Variants in IL1RAPL1 observed in about 807,000 individuals in gnomAD.
IL1RAPL1 encodes the protein interleukin 1 receptor accessory protein like 1.
A neutral mutation model predicts 48.4 loss-of-function variants in IL1RAPL1; 3 were observed. The ratio of observed to expected loss-of-function variants is 0.06; its 90% CI spans 0.03 to 0.16. The LOEUF (loss-of-function observed/expected upper bound fraction) is 0.16, where lower values mean the gene tolerates loss of function less well. Among genes scored for constraint, IL1RAPL1 ranks in the 10% least tolerant of loss-of-function variants. The pLI is 1.00. For missense variants in IL1RAPL1, 349 were observed against 530.6 expected (o/e 0.66, Z 3.36); for synonymous variants, 185 against 187.7 (o/e 0.99, Z 0.12).
At chrX:29,286,054 G>A (rs1320042688) in intron 3 of IL1RAPL1, among the ~76,000 whole-genome samples, 1 of 111,678 alleles carries the variant, frequency 9.0e-6, no homozygotes, top group Admixed American at 9.5e-5. Context: ...GTATTAACTT[G>A]TCAATGAAAT....
chrX:29,303,518 AC>A (rs1398850946), intron 3 of IL1RAPL1, among the ~76,000 whole-genome samples: 2 of 111,732 alleles, frequency 1.8e-5, no homozygotes, highest in African/African-American at 6.5e-5. Context: ...TAACCAGAAG[AC>A]CTAGAGTACT....
chrX:29,170,488 C>G (rs765220838), intron 2 of IL1RAPL1, among the ~76,000 whole-genome samples: 1 of 111,680 alleles, frequency 9.0e-6, no homozygotes, highest in African/African-American at 3.2e-5. Context: ...TTCTGTTTCT[C>G]TTTCTTAGTT....
intron 2 of IL1RAPL1, among the ~76,000 whole-genome samples, chrX:28,961,332 T>C (rs1428632891): frequency 1.8e-5 from 2 of 111,068 alleles, no homozygotes; most frequent in Middle Eastern, 4.6e-3. Flanking sequence ...TTTATTTTAT[T>C]TCATCTCATT....
intron 2 of IL1RAPL1, among the ~76,000 whole-genome samples, chrX:28,898,800 C>CT (rs777082261): frequency 1.1e-3 from 119 of 108,513 alleles, no homozygotes; most frequent in African/African-American, 3.7e-3. Context: ...GGTACTGGGA[C>CT]TTTTTTTTTG....
intron 1 of IL1RAPL1, among the ~76,000 whole-genome samples, chrX:28,675,888 T>C (rs1308178174): frequency 8.9e-6 from 1 of 112,157 alleles, no homozygotes; most frequent in Non-Finnish European, 1.9e-5. Flanking sequence ...ATGCAGAACA[T>C]GTAACTGGGC....
chrX:29,828,948 A>AT (rs1158265724), intron 6 of IL1RAPL1, among the ~76,000 whole-genome samples: 1 of 109,813 alleles, frequency 9.1e-6, no homozygotes, highest in Non-Finnish European at 1.9e-5. Context: ...AGAAGGAGAG[A>AT]TTTTTTCTGA....
chrX:29,386,550 T>C (rs1339902267), intron 3 of IL1RAPL1, among the ~76,000 whole-genome samples: 2 of 107,770 alleles, frequency 1.9e-5, no homozygotes, highest in Non-Finnish European at 3.9e-5. Context: ...ATGATTTTTT[T>C]TTTTTTTTTT....
At chrX:28,690,150 T>C (rs781286334) in intron 1 of IL1RAPL1, among the ~76,000 whole-genome samples, 21 of 111,652 alleles carry the variant, frequency 1.9e-4, no homozygotes, top group African/African-American at 5.2e-4. Flanking sequence ...TTCATCTCCT[T>C]CTTTCAGCCT....
intron 5 of IL1RAPL1, among the ~76,000 whole-genome samples, chrX:29,657,845 T>C (rs145694046): frequency 9.5e-6 from 1 of 105,428 alleles, no homozygotes; most frequent in Non-Finnish European, 2.0e-5. Context: ...TTTTTTTTGG[T>C]TTTTTGCCTG....
At chrX:29,015,440 A>T (rs1004591501) in intron 2 of IL1RAPL1, among the ~76,000 whole-genome samples, 2 of 111,354 alleles carry the variant, frequency 1.8e-5, no homozygotes, top group African/African-American at 6.6e-5. Context: ...TTTGAATTAT[A>T]CAGATACTAT....
chrX:29,477,784 A>C, intron 5 of IL1RAPL1, among the ~76,000 whole-genome samples: 1 of 112,164 alleles, frequency 8.9e-6, no homozygotes, highest in African/African-American at 3.2e-5. Flanking sequence ...CTGGCTACAA[A>C]GTTCCTATGC....
At chrX:29,259,779 G>T (rs781147693) in intron 2 of IL1RAPL1, among the ~76,000 whole-genome samples, 4 of 111,163 alleles carry the variant, frequency 3.6e-5, no homozygotes, top group Non-Finnish European at 5.7e-5. Context: ...CCTATACATG[G>T]TATCATGGGT....
At chrX:29,686,518 C>T (rs4829266) in intron 6 of IL1RAPL1, among the ~76,000 whole-genome samples, 43,009 of 104,511 alleles carry the variant, frequency 0.41, 6,422 homozygotes, top group South Asian at 0.55. Context: ...CCCCTGCCTC[C>T]CCCCACCCCC....
At chrX:28,761,509 A>G (rs1037761246) in intron 1 of IL1RAPL1, among the ~76,000 whole-genome samples, 2 of 111,991 alleles carry the variant, frequency 1.8e-5, no homozygotes, top group African/African-American at 6.5e-5. Flanking sequence ...CAAATGCCAC[A>G]TATACTAACT....
chrX:29,260,591 A>G (rs967115462), intron 2 of IL1RAPL1, among the ~76,000 whole-genome samples: 1 of 111,703 alleles, frequency 9.0e-6, no homozygotes, highest in Non-Finnish European at 1.9e-5. Context: ...GATTATTACA[A>G]TTCAAGGTGA....
intron 6 of IL1RAPL1, among the ~76,000 whole-genome samples, chrX:29,683,070 A>G (rs1926507208): frequency 8.9e-6 from 1 of 112,228 alleles, no homozygotes; most frequent in Non-Finnish European, 1.9e-5. Context: ...GAGACTTTTC[A>G]CTGGCGTCTT....
chrX:29,156,994 G>T (rs2147502416), intron 2 of IL1RAPL1, among the ~76,000 whole-genome samples: 1 of 111,953 alleles, frequency 8.9e-6, no homozygotes, highest in African/African-American at 3.2e-5. Context: ...ATTTGGATAT[G>T]ACCTCAACAG....
chrX:29,211,082 A>T (rs1487841089), intron 2 of IL1RAPL1, among the ~76,000 whole-genome samples: 3 of 103,240 alleles, frequency 2.9e-5, no homozygotes, highest in Non-Finnish European at 6.0e-5. Context: ...TCTTAAACAC[A>T]CACACACAGA....
chrX:29,445,369 G>A (rs1420939824), intron 5 of IL1RAPL1, among the ~76,000 whole-genome samples: 1 of 111,424 alleles, frequency 9.0e-6, no homozygotes, highest in Non-Finnish European at 1.9e-5. Flanking sequence ...TTCACTCCCA[G>A]GGAGAGAAGG....
Sources: gnomAD v4.1 joint callset for allele counts (sites outside exome capture counted in the v4.1 genomes callset) on GRCh38, gnomAD v4.1.1 for gene constraint, MANE v1.5 for transcripts, NCBI Gene and HGNC (gene_info 2026-07-23, HGNC 2026-07-21) for gene names.